Variants in DMD observed in about 807,000 individuals in gnomAD.
DMD encodes the protein dystrophin, also known as mutant dystrophin.
A neutral mutation model predicts 330.1 loss-of-function variants in DMD; 63 were observed. That is an observed-to-expected ratio of 0.19 (90% CI 0.16 to 0.24). The LOEUF is 0.24. DMD is among the 10% of genes least tolerant of loss of function. DMD has a pLI of 1.00. For synonymous variants in DMD, 1,223 were observed against 959.8 expected (o/e 1.27, Z -5.07); for missense variants, 3,344 against 2,684.1 (o/e 1.25, Z -5.43).
Position 32,033,591 on chromosome X carries a change from C to A in DMD, c.6439-65077G>T, listed in dbSNP as rs186877026. 3.2e-3 allele frequency among the ~76,000 whole-genome samples: 87 copies of A among 27,326 alleles called. 1 individual carries two copies. Among genetic ancestry groups the A allele is most frequent in the Non-Finnish European group, 3.6e-3 (58 of 15,992 alleles). The allele number at this position is 27,326 out of a possible 115,157, so 23.7% of individuals were successfully genotyped here. ...GCTTGCACTATTTAAAAAAACAAGA[C>A]AGACAGACAGACAGAAAGAAAGAAA... On this transcript the variant is annotated intron_variant, in intron 44 of 78. Coordinates refer to ENST00000357033, the MANE Select transcript of DMD (RefSeq NM_004006.3).
rs1569550719 is a variant in DMD at position 32,205,003 on chromosome X, T to TA, written c.6438+11912_6438+11913insT. Among the ~76,000 whole-genome samples the TA allele has an allele frequency of 7.4e-3, 258 of 34,703 alleles. 9 individuals carry two copies. In the East Asian group the frequency reaches 0.14, roughly 18 times the overall value. 30.1% of individuals were successfully genotyped at this position (34,703 alleles called of 115,157 possible). On this transcript the variant is annotated intron_variant, in intron 44 of 78. Transcript: ENST00000357033. ...CTCTCTCTCTCTCTCTCTCTCTCTCTCTCACATACACACACACACACACAC... is the reference window on the plus strand; with the variant it reads ...CTCTCTCTCTCTCTCTCTCTCTCTCTACTCACATACACACACACACACACAC...
At chrX:31,489,604 T>C (rs2069096975) in intron 57 of DMD, among the ~76,000 whole-genome samples, 1 of 112,287 alleles carries the variant, frequency 8.9e-6, no homozygotes, top group South Asian at 3.7e-4. Context: ...TAAACATCCA[T>C]AGGGGCAGAG....
chrX:32,001,411 G>C lies in DMD; in HGVS notation c.6439-32897C>G, dbSNP rs73449969. On this transcript the variant is annotated intron_variant, in intron 44 of 78. Coordinates refer to ENST00000357033, the MANE Select transcript of DMD (RefSeq NM_004006.3). The stretch of plus-strand genomic sequence containing the variant: ...AACAATAAAAATATTTAGAAATGTA[G>C]GATGCATCAAGTGTGCTTTGGATGT... 9.2e-3 allele frequency among the ~76,000 whole-genome samples: 1,014 copies of C among 110,090 alleles called. 13 individuals carry two copies. The highest frequency in any genetic ancestry group is 0.032 in the African/African-American group (964 of 30,245).
At chrX:32,591,501 C>A (rs188227124) in intron 13 of DMD, among the ~76,000 whole-genome samples, 1 of 111,926 alleles carries the variant, frequency 8.9e-6, no homozygotes, top group Admixed American at 9.4e-5. Flanking sequence ...TTTTTATAGT[C>A]TTTTTTCATG....
At chrX:32,850,704 C>T (rs1417757478) in intron 2 of DMD, among the ~76,000 whole-genome samples, 1 of 111,725 alleles carries the variant, frequency 9.0e-6, no homozygotes, top group Non-Finnish European at 1.9e-5. Context: ...GATTATCTTT[C>T]TAACATTTGT....
chrX:32,571,619 C>A (rs2052431322), intron 15 of DMD, among the ~76,000 whole-genome samples: 1 of 112,109 alleles, frequency 8.9e-6, no homozygotes, highest in African/African-American at 3.2e-5. Context: ...TTCTGAGATT[C>A]TAGTTGTGTA....
intron 1 of DMD, among the ~76,000 whole-genome samples, chrX:33,180,046 G>A (rs980929396): frequency 3.6e-5 from 4 of 110,658 alleles, no homozygotes; most frequent in Non-Finnish European, 7.6e-5. Flanking sequence ...ATGTTGGTCA[G>A]GCTGGTCTCA....
chrX:33,002,637 T>G (rs2147435781), intron 2 of DMD, among the ~76,000 whole-genome samples: 1 of 109,467 alleles, frequency 9.1e-6, no homozygotes, highest in Non-Finnish European at 1.9e-5. Context: ...CCGCAATCAG[T>G]CTGATTGGTT....
chrX:33,224,125 T>C (rs1034617051), intron 1 of DMD, among the ~76,000 whole-genome samples: 7 of 112,442 alleles, frequency 6.2e-5, no homozygotes, highest in Non-Finnish European at 1.3e-4. Context: ...CTCTTGTTCA[T>C]TGCTTGTGAG....
intron 7 of DMD, among the ~76,000 whole-genome samples, chrX:32,730,834 G>T (rs189791023): frequency 6.2e-4 from 69 of 112,151 alleles, no homozygotes; most frequent in Non-Finnish European, 1.2e-3. Flanking sequence ...CAGAAAAAGA[G>T]TAGGAATAGA....
At chrX:32,821,321 A>G (rs1036980000) in intron 5 of DMD, among the ~76,000 whole-genome samples, 3 of 111,589 alleles carry the variant, frequency 2.7e-5, no homozygotes, top group Non-Finnish European at 3.8e-5. Context: ...GCAGTGGCTC[A>G]TGCCTGCAAT....
At chrX:32,009,177 A>G (rs767194540) in intron 44 of DMD, among the ~76,000 whole-genome samples, 23 of 111,700 alleles carry the variant, frequency 2.1e-4, no homozygotes, top group Non-Finnish European at 3.4e-4. Context: ...AAGATTGCAC[A>G]TGACTAGAAA....
At chrX:31,582,608 G>A (rs2148043532) in intron 55 of DMD, among the ~76,000 whole-genome samples, 1 of 112,064 alleles carries the variant, frequency 8.9e-6, no homozygotes, top group Admixed American at 9.5e-5. Flanking sequence ...ATCATCATCA[G>A]CAGTTATAGT....
chrX:33,166,153 G>T (rs1263700746), intron 1 of DMD, among the ~76,000 whole-genome samples: 1 of 111,091 alleles, frequency 9.0e-6, no homozygotes, highest in Non-Finnish European at 1.9e-5. Context: ...TATATTCTAG[G>T]TTTTAAAAAT....
chrX:32,849,586 A>C lies in DMD; in HGVS notation c.186+142T>G, dbSNP rs2061154903. On this transcript the variant is annotated intron_variant, in intron 3 of 78. Coordinates refer to ENST00000357033, the MANE Select transcript of DMD (RefSeq NM_004006.3). The stretch of plus-strand genomic sequence containing the variant: ...GAGTATGCCAAATGAAAATCATACG[A>C]GGTTGCTTTACTAAGGAATAGGTAT... 4 of 454,421 alleles carry C rather than the reference A, an allele frequency of 8.8e-6. No individual in the cohort carries two copies. The Admixed American group carries it at 1.5e-4, about 17-fold the overall frequency. The allele number at this position is 454,421 out of a possible 1,213,427, so 37.4% of individuals were successfully genotyped here.
chrX:31,638,216 T>C (rs143649639), intron 54 of DMD, among the ~76,000 whole-genome samples: 269 of 112,108 alleles, frequency 2.4e-3, no homozygotes, highest in South Asian at 5.6e-3. Flanking sequence ...AGATTGCCTA[T>C]AAGTTTGATC....
chrX:32,128,849 G>A (rs954356704), intron 44 of DMD, among the ~76,000 whole-genome samples: 1 of 112,115 alleles, frequency 8.9e-6, no homozygotes, highest in African/African-American at 3.2e-5. Context: ...TCTATGACCT[G>A]CTGTTTGGAA....
chrX:31,288,366 G>C (rs1167179630), intron 62 of DMD, among the ~76,000 whole-genome samples: 2 of 111,877 alleles, frequency 1.8e-5, no homozygotes, highest in Non-Finnish European at 3.8e-5. Flanking sequence ...ACTTAGGGCA[G>C]GTAGGCCAAT....
At chrX:31,214,926 A>ATTTCTTT (rs775049548) in intron 64 of DMD, among the ~76,000 whole-genome samples, 8,265 of 55,939 alleles carry the variant, frequency 0.15, 1,002 homozygotes, top group East Asian at 0.37. Flanking sequence ...ATACTTTTTT[A>ATTTCTTT]TTTCTTTTTT....
Sources: gnomAD v4.1 joint callset for allele counts (sites outside exome capture counted in the v4.1 genomes callset) on GRCh38, gnomAD v4.1.1 for gene constraint, MANE v1.5 for transcripts, NCBI Gene and HGNC (gene_info 2026-07-23, HGNC 2026-07-21) for gene names.